TBX5: variants seen among roughly 807,000 people sequenced by gnomAD.
The protein encoded by TBX5 is T-box transcription factor TBX5.
Under a neutral mutation model 51.1 loss-of-function variants are expected in TBX5, and 8 were observed. The observed-to-expected ratio is 0.16, with a 90% CI of 0.09 to 0.28. TBX5 has a LOEUF of 0.28. Among genes scored for constraint, TBX5 ranks in the 10% least tolerant of loss-of-function variants. The pLI is 1.00. For synonymous variants in TBX5, 302 were observed against 266.4 expected (o/e 1.13, Z -1.30); for missense variants, 589 against 671.7 (o/e 0.88, Z 1.36).
intron 6 of TBX5, among the ~76,000 whole-genome samples, chr12:114,387,747 C>T (rs1299466205): frequency 1.3e-5 from 2 of 152,110 alleles, no homozygotes; most frequent in South Asian, 2.1e-4. Flanking sequence ...GTGGGGGTGG[C>T]TGTGCATGTG....
intron 7 of TBX5, among the ~76,000 whole-genome samples, chr12:114,383,340 T>C (rs1403959299): frequency 6.6e-6 from 1 of 152,184 alleles, no homozygotes; most frequent in Non-Finnish European, 1.5e-5. Context: ...AAATGTGTGT[T>C]CGAAGGGCCA....
Position 114,406,006 on chromosome 12 carries a change from G to A in TBX5, c.-417C>T. On this transcript the variant is annotated 5_prime_UTR_variant, in exon 1 of 9. Coordinates refer to ENST00000405440, the MANE Select transcript of TBX5 (RefSeq NM_181486.4). ...ATGGTCGAAGTCCTTTCTGAGCGCAGCTTTCAGGATTAAAGTTCCCGGATT... is the reference window on the plus strand; with the variant it reads ...ATGGTCGAAGTCCTTTCTGAGCGCAACTTTCAGGATTAAAGTTCCCGGATT... 2.0e-6 allele frequency: 2 copies of A among 985,380 alleles called. No individual in the cohort carries two copies. Among genetic ancestry groups the A allele is most frequent in the East Asian group, 1.1e-4 (1 of 8,784 alleles). The allele number at this position is 985,380 out of a possible 1,614,324, so 61.0% of individuals were successfully genotyped here.
chr12:114,394,225 G>A (rs1318973231), intron 6 of TBX5, among the ~76,000 whole-genome samples: 2 of 152,220 alleles, frequency 1.3e-5, no homozygotes, highest in East Asian at 3.9e-4. Flanking sequence ...TGAGGCAAGA[G>A]GATCTCTTGA....
intron 7 of TBX5, among the ~76,000 whole-genome samples, chr12:114,384,675 T>C (rs899829448): frequency 2.0e-5 from 3 of 151,306 alleles, no homozygotes; most frequent in African/African-American, 4.9e-5. Flanking sequence ...GATCTCATTT[T>C]ATTTTGAAAC....
intron 7 of TBX5, among the ~76,000 whole-genome samples, chr12:114,383,524 A>T (rs1038027854): frequency 5.3e-5 from 8 of 152,164 alleles, no homozygotes; most frequent in African/African-American, 1.7e-4. Flanking sequence ...AGACTTGGAC[A>T]TGTTCTCCAC....
intron 6 of TBX5, among the ~76,000 whole-genome samples, chr12:114,389,733 G>A (rs1231241317): frequency 4.5e-5 from 5 of 111,828 alleles, no homozygotes; most frequent in African/African-American, 1.7e-4. Context: ...CAGCCTGGGC[G>A]ACAGAGCGAG....
At chr12:114,394,645 T>C in intron 6 of TBX5, 96 bp downstream of exon 6, 1 of 1,566,434 alleles carries the variant, frequency 6.4e-7, no homozygotes, top group East Asian at 2.2e-5. Flanking sequence ...ACTGCTGCCA[T>C]TCAGAGGAGC....
Position 114,406,033 on chromosome 12 carries a change from G to A in TBX5, c.-444C>T. 3.0e-6 allele frequency: 3 copies of A among 985,194 alleles called. No homozygotes were observed. Among genetic ancestry groups the A allele is most frequent in the South Asian group, 9.4e-5 (2 of 21,266 alleles). The allele number at this position is 985,194 out of a possible 1,614,324, so 61.0% of individuals were successfully genotyped here. ...TTTCAGGATTAAAGTTCCCGGATTCGAGGTAAGAGTCAGTCTCTCTCACTC... is the reference window on the plus strand; with the variant it reads ...TTTCAGGATTAAAGTTCCCGGATTCAAGGTAAGAGTCAGTCTCTCTCACTC... On this transcript the variant is annotated 5_prime_UTR_variant, in exon 1 of 9. Coordinates refer to ENST00000405440, the MANE Select transcript of TBX5 (RefSeq NM_181486.4).
chr12:114,379,639 T>C (rs1870397350), intron 7 of TBX5, among the ~76,000 whole-genome samples: 1 of 152,182 alleles, frequency 6.6e-6, no homozygotes, highest in Non-Finnish European at 1.5e-5. Context: ...AATGACTTCC[T>C]TTTTACAGAT....
Position 114,403,870 on chromosome 12 carries a change from A to C in TBX5, c.29T>G (p.Leu10Arg), listed in dbSNP as rs1872009251. The C allele has an allele frequency of 6.2e-7, 1 of 1,613,580 alleles. No individual in the cohort carries two copies. Among genetic ancestry groups the C allele is most frequent in the Admixed American group, 1.7e-5 (1 of 60,010 alleles). The change falls in exon 2 of 9, where the codon CTG becomes CGG. Residue 10 changes from leucine to arginine, a missense_variant. Around this residue, in one of 7 missense-constraint regions of TBX5, gnomAD observed 101 missense variants for 83.3 expected, o/e 1.21. Coordinates refer to ENST00000405440, the MANE Select transcript of TBX5 (RefSeq NM_181486.4). ...GTCAGGCTCCAGAGGCGTGTGCGCCAGGCCAAAGCCCTCGTCTGCGTCGGC... is the reference window on the plus strand; with the variant it reads ...GTCAGGCTCCAGAGGCGTGTGCGCCCGGCCAAAGCCCTCGTCTGCGTCGGC... MADADEGFG[L>R]AHTPLEPDAK...
rs779834407 is a variant in TBX5, at chr12:114,385,579, A to C, written c.664-12T>G. ...TTTAATTGCGTGATCTGAAGGAAAGAGGAAGAGAGAACAAGCTGGTTTTCA... is the reference window on the plus strand; with the variant it reads ...TTTAATTGCGTGATCTGAAGGAAAGCGGAAGAGAGAACAAGCTGGTTTTCA... On this transcript the variant is annotated splice_polypyrimidine_tract_variant and intron_variant, in intron 6 of 8. Transcript: ENST00000405440. The C allele has an allele frequency of 6.2e-7, 1 of 1,611,550 alleles. No individual in the cohort carries two copies.
chr12:114,401,621 G>C (rs144429432), intron 3 of TBX5, among the ~76,000 whole-genome samples: 26 of 152,276 alleles, frequency 1.7e-4, no homozygotes, highest in African/African-American at 6.3e-4. Flanking sequence ...CATCCTAGGA[G>C]AGATCAATGG....
At chr12:114,359,247 C>G (rs1201239172) in intron 8 of TBX5, among the ~76,000 whole-genome samples, 1 of 152,168 alleles carries the variant, frequency 6.6e-6, no homozygotes, top group East Asian at 1.9e-4. Context: ...TCTCAAATTC[C>G]TCTCAGGCCT....
At chr12:114,403,313 C>T (rs941288942) in intron 2 of TBX5, among the ~76,000 whole-genome samples, 5 of 152,144 alleles carry the variant, frequency 3.3e-5, no homozygotes, top group Middle Eastern at 3.2e-3. Context: ...GCGAAGGCTA[C>T]GGAAGATCAG....
At chr12:114,382,850 T>G (rs1348394732) in intron 7 of TBX5, among the ~76,000 whole-genome samples, 1 of 151,598 alleles carries the variant, frequency 6.6e-6, no homozygotes, top group East Asian at 1.9e-4. Context: ...GGTATGGCAG[T>G]GCATGCCTGC....
At chr12:114,399,164 A>C (rs374031987) in intron 4 of TBX5, among the ~76,000 whole-genome samples, 60 of 152,356 alleles carry the variant, frequency 3.9e-4, no homozygotes, top group African/African-American at 1.4e-3. Context: ...TGTTCAAAGC[A>C]GGTAACTCAT....
At chr12:114,400,943 A>T (rs1393825597) in intron 3 of TBX5, among the ~76,000 whole-genome samples, 3 of 152,070 alleles carry the variant, frequency 2.0e-5, no homozygotes, top group Non-Finnish European at 2.9e-5. Context: ...CCCTTCACAC[A>T]CTCGGTGGCT....
chr12:114,383,245 T>C (rs974508536), intron 7 of TBX5, among the ~76,000 whole-genome samples: 11 of 151,966 alleles, frequency 7.2e-5, no homozygotes, highest in Non-Finnish European at 2.9e-5. Flanking sequence ...GAAAGCTTCT[T>C]GAAGGAAGGA....
intron 7 of TBX5, among the ~76,000 whole-genome samples, chr12:114,381,328 G>A (rs1340110523): frequency 6.6e-6 from 1 of 152,302 alleles, no homozygotes. Context: ...GTCACCGGGT[G>A]TGTAGGGGAC....
Sources: gnomAD v4.1 joint callset for allele counts (sites outside exome capture counted in the v4.1 genomes callset) on GRCh38, gnomAD v4.1.1 for gene constraint, gnomAD v4.1.1 regional missense constraint, MANE v1.5 for transcripts, NCBI Gene and HGNC (gene_info 2026-07-23, HGNC 2026-07-21) for gene names.